The following RBFOX1 variants were observed in gnomAD, a reference collection of about 807,000 sequenced individuals.
RBFOX1 encodes RNA binding protein fox-1 homolog 1.
A neutral mutation model predicts 57.7 loss-of-function variants in RBFOX1; 8 were observed. That is an observed-to-expected ratio of 0.14 (90% CI 0.08 to 0.25). The LOEUF is 0.25. RBFOX1 is among the 10% of genes least tolerant of loss of function. The pLI is 1.00. For missense variants in RBFOX1, 611 were observed against 548.5 expected (o/e 1.11, Z -1.14); for synonymous variants, 326 against 222.4 (o/e 1.47, Z -4.15).
chr16:5,280,086 C>G (rs1010593923), intron 1 of RBFOX1, among the ~76,000 whole-genome samples: 1 of 150,254 alleles, frequency 6.7e-6, no homozygotes, highest in Non-Finnish European at 1.5e-5. Context: ...TCATATATGC[C>G]TTTTCTTATG....
intron 4 of RBFOX1, among the ~76,000 whole-genome samples, chr16:7,334,874 A>G (rs1434093509): frequency 6.6e-6 from 1 of 152,184 alleles, no homozygotes; most frequent in East Asian, 1.9e-4. Context: ...GCCTGATCAT[A>G]CTGTGTTTTT....
intron 2 of RBFOX1, among the ~76,000 whole-genome samples, chr16:5,559,847 C>T (rs1298633234): frequency 1.3e-5 from 2 of 152,168 alleles, no homozygotes; most frequent in Non-Finnish European, 2.9e-5. Flanking sequence ...CCTACTTCTG[C>T]AAGCTCACAT....
intron 1 of RBFOX1, among the ~76,000 whole-genome samples, chr16:6,054,749 C>T (rs1056189794): frequency 1.3e-5 from 2 of 152,082 alleles, no homozygotes; most frequent in Admixed American, 6.6e-5. Context: ...TAAGATTCAT[C>T]GGTGGATGTT....
At chr16:7,306,765 A>G (rs532224487) in intron 4 of RBFOX1, among the ~76,000 whole-genome samples, 90 of 152,302 alleles carry the variant, frequency 5.9e-4, no homozygotes, top group African/African-American at 2.0e-3. Flanking sequence ...TACTGTCGTG[A>G]TAGTTCGTTT....
chr16:5,776,804 C>G (rs1370103105), intron 3 of RBFOX1, among the ~76,000 whole-genome samples: 1 of 152,196 alleles, frequency 6.6e-6, no homozygotes, highest in Non-Finnish European at 1.5e-5. Context: ...TACTTTCTCC[C>G]TCCAGAACAG....
At chr16:6,652,528 C>T (rs570944694) in intron 2 of RBFOX1, among the ~76,000 whole-genome samples, 1 of 152,070 alleles carries the variant, frequency 6.6e-6, no homozygotes, top group South Asian at 2.1e-4. Flanking sequence ...TGTGAGGCAC[C>T]ATGAGAAGGA....
At chr16:5,637,493 A>G (rs1321630869) in intron 3 of RBFOX1, among the ~76,000 whole-genome samples, 1 of 152,216 alleles carries the variant, frequency 6.6e-6, no homozygotes, top group Non-Finnish European at 1.5e-5. Flanking sequence ...GGGCTTAGCA[A>G]GCTAATGTCT....
chr16:6,154,255 G>C (rs2096823426), intron 1 of RBFOX1, among the ~76,000 whole-genome samples: 1 of 152,210 alleles, frequency 6.6e-6, no homozygotes, highest in Non-Finnish European at 1.5e-5. Context: ...TGGTACAAAA[G>C]TAATTACGGT....
intron 4 of RBFOX1, among the ~76,000 whole-genome samples, chr16:7,315,516 T>C (rs1044839379): frequency 2.6e-5 from 4 of 151,464 alleles, no homozygotes; most frequent in African/African-American, 7.3e-5. Flanking sequence ...TTTAGCTATC[T>C]GGTTCTTATT....
intron 4 of RBFOX1, among the ~76,000 whole-genome samples, chr16:7,268,343 A>C (rs1222346876): frequency 6.6e-6 from 1 of 152,188 alleles, no homozygotes; most frequent in African/African-American, 2.4e-5. Context: ...GAAACCAAGG[A>C]ACAGGCTGCT....
At chr16:6,953,676 A>G (rs2081221545) in intron 3 of RBFOX1, among the ~76,000 whole-genome samples, 1 of 152,138 alleles carries the variant, frequency 6.6e-6, no homozygotes, top group Non-Finnish European at 1.5e-5. Flanking sequence ...CATGAGCCAC[A>G]GTGCCCAGCC....
At chr16:5,330,429 G>C (rs574041025) in intron 1 of RBFOX1, among the ~76,000 whole-genome samples, 3 of 152,158 alleles carry the variant, frequency 2.0e-5, no homozygotes, top group Non-Finnish European at 2.9e-5. Context: ...TTGAGACAGA[G>C]TCTCAGTCTG....
chr16:7,535,735 C>A (rs2081313643), intron 5 of RBFOX1, among the ~76,000 whole-genome samples: 1 of 152,186 alleles, frequency 6.6e-6, no homozygotes, highest in South Asian at 2.1e-4. Context: ...ATACATTAAT[C>A]TACTAAATAC....
chr16:6,431,882 A>ATGCTTGCTTGCTTGCT (rs530288649), intron 2 of RBFOX1, among the ~76,000 whole-genome samples: 232 of 126,518 alleles, frequency 1.8e-3, no homozygotes, highest in Middle Eastern at 4.1e-3. Context: ...GTCCAGAAAT[A>ATGCTTGCTTGCTTGCT]TGCTTGCTTG....
intron 3 of RBFOX1, among the ~76,000 whole-genome samples, chr16:6,964,965 G>C (rs1406985945): frequency 6.6e-6 from 1 of 152,174 alleles, no homozygotes; most frequent in African/African-American, 2.4e-5. Context: ...GCACTTAGCA[G>C]CGAGTGTGGC....
At chr16:5,842,961 G>A (rs1381660496) in intron 3 of RBFOX1, among the ~76,000 whole-genome samples, 1 of 152,124 alleles carries the variant, frequency 6.6e-6, no homozygotes, top group Non-Finnish European at 1.5e-5. Flanking sequence ...TGGGATTACG[G>A]GCATGTGCTA....
chr16:7,102,814 A>AT (rs2062916429), intron 4 of RBFOX1, among the ~76,000 whole-genome samples: 1 of 152,122 alleles, frequency 6.6e-6, no homozygotes, highest in Non-Finnish European at 1.5e-5. Flanking sequence ...CCAACCAGCA[A>AT]TTTTTTTGAG....
intron 1 of RBFOX1, among the ~76,000 whole-genome samples, chr16:6,237,722 C>T (rs2097516495): frequency 1.3e-5 from 2 of 151,810 alleles, no homozygotes; most frequent in Non-Finnish European, 2.9e-5. Flanking sequence ...GCCTGGGCGA[C>T]AGAGTGAGAC....
In RBFOX1 at chr16:6,912,416, G is replaced by T. The variant is rs1458308798; in HGVS notation, c.-15-139641G>T. On this transcript the variant is annotated intron_variant, in intron 3 of 15. Transcript: ENST00000550418. Reference sequence around the variant, plus strand: ...TTGCGAACCACGGGGCTACTGAAATGAGGTGTCTGTTCTCTGTGAGTAAAG... The same window carrying T: ...TTGCGAACCACGGGGCTACTGAAATTAGGTGTCTGTTCTCTGTGAGTAAAG... Among the ~76,000 whole-genome samples the T allele has an allele frequency of 2.0e-5, 3 of 152,120 alleles. No homozygotes were observed. The East Asian group carries it at 5.8e-4, about 29-fold the overall frequency.
Sources: gnomAD v4.1 joint callset for allele counts (sites outside exome capture counted in the v4.1 genomes callset) on GRCh38, gnomAD v4.1.1 for gene constraint, MANE v1.5 for transcripts, NCBI Gene and HGNC (gene_info 2026-07-23, HGNC 2026-07-21) for gene names.